SNTG1: variants seen among roughly 807,000 people sequenced by gnomAD.
SNTG1 encodes syntrophin gamma 1.
In SNTG1, 39 loss-of-function variants were observed where a neutral mutation model predicts 74.7. The ratio of observed to expected loss-of-function variants is 0.52; its 90% CI spans 0.40 to 0.68. The LOEUF (loss-of-function observed/expected upper bound fraction) is 0.68. SNTG1 is among the 30% of genes least tolerant of loss of function. SNTG1 has a pLI of 0.00. For missense variants in SNTG1, 685 were observed against 609.5 expected (o/e 1.12, Z -1.30); for synonymous variants, 254 against 217.1 (o/e 1.17, Z -1.49).
At chr8:50,160,795 G>T (rs1160482527) in intron 1 of SNTG1, among the ~76,000 whole-genome samples, 1 of 152,164 alleles carries the variant, frequency 6.6e-6, no homozygotes, top group Admixed American at 6.5e-5. Flanking sequence ...CAGAAGCACG[G>T]AATAGCTGTA....
At chr8:50,785,557 A>G (rs2095672273) in intron 18 of SNTG1, among the ~76,000 whole-genome samples, 2 of 152,050 alleles carry the variant, frequency 1.3e-5, no homozygotes. Context: ...AAAAGCCCCA[A>G]ATCAAGAGGT....
chr8:50,201,175 A>G (rs769404853), intron 2 of SNTG1, among the ~76,000 whole-genome samples: 1 of 152,220 alleles, frequency 6.6e-6, no homozygotes, highest in Non-Finnish European at 1.5e-5. Context: ...CCATGTGCCC[A>G]GGATCAGACA....
intron 9 of SNTG1, among the ~76,000 whole-genome samples, chr8:50,529,174 A>G (rs1161667424): frequency 3.9e-5 from 6 of 151,996 alleles, no homozygotes; most frequent in Non-Finnish European, 8.8e-5. Flanking sequence ...ACATATATAC[A>G]TTAAAATGTA....
At chr8:50,304,745 T>C (rs182578067) in intron 2 of SNTG1, among the ~76,000 whole-genome samples, 12 of 152,340 alleles carry the variant, frequency 7.9e-5, no homozygotes, top group African/African-American at 2.4e-4. Flanking sequence ...CTATACTCTG[T>C]CTAATATAGC....
At chr8:50,515,874 G>A (rs563312458) in intron 9 of SNTG1, among the ~76,000 whole-genome samples, 8 of 151,962 alleles carry the variant, frequency 5.3e-5, no homozygotes, top group Admixed American at 2.0e-4. Flanking sequence ...CTGTGGGCAC[G>A]GCTTCAGCAG....
chr8:50,651,548 C>T (rs2095146404), intron 13 of SNTG1, among the ~76,000 whole-genome samples: 1 of 151,792 alleles, frequency 6.6e-6, no homozygotes, highest in Non-Finnish European at 1.5e-5. Flanking sequence ...ACCTCCACCG[C>T]CCAGGTTCAA....
chr8:50,145,770 C>T (rs530282043), intron 1 of SNTG1, among the ~76,000 whole-genome samples: 19 of 151,804 alleles, frequency 1.3e-4, no homozygotes, highest in Non-Finnish European at 2.1e-4. Context: ...TTATGTTCAT[C>T]TATTTTAGAA....
intron 13 of SNTG1, among the ~76,000 whole-genome samples, chr8:50,597,275 A>G (rs892866026): frequency 6.6e-6 from 1 of 150,998 alleles, no homozygotes; most frequent in Non-Finnish European, 1.5e-5. Context: ...TGCAGAGAAT[A>G]TATACATATA....
chr8:50,504,646 C>CAAAAAA (rs1563489252), intron 9 of SNTG1, among the ~76,000 whole-genome samples: 75 of 152,040 alleles, frequency 4.9e-4, no homozygotes, highest in African/African-American at 1.7e-3. Context: ...ACAAAAAAAC[C>CAAAAAA]CCAAAATAGC....
At chr8:50,193,227 A>G (rs181020227) in intron 2 of SNTG1, among the ~76,000 whole-genome samples, 1 of 152,098 alleles carries the variant, frequency 6.6e-6, no homozygotes, top group Admixed American at 6.6e-5. Context: ...TCAATTTGTA[A>G]ATTACTTTTG....
At chr8:49,962,399 T>C (rs2129748840) in intron 1 of SNTG1, among the ~76,000 whole-genome samples, 1 of 151,448 alleles carries the variant, frequency 6.6e-6, no homozygotes, top group Non-Finnish European at 1.5e-5. Flanking sequence ...CACACATACA[T>C]GCAGACACAT....
chr8:49,929,389 G>T (rs1012006345), intron 1 of SNTG1, among the ~76,000 whole-genome samples: 1 of 152,184 alleles, frequency 6.6e-6, no homozygotes, highest in African/African-American at 2.4e-5. Flanking sequence ...AGGCAAGCCC[G>T]CATCTATGTA....
intron 13 of SNTG1, among the ~76,000 whole-genome samples, chr8:50,637,926 T>G (rs981432749): frequency 2.0e-5 from 3 of 152,132 alleles, no homozygotes; most frequent in Admixed American, 2.0e-4. Context: ...AGGTTAAGTT[T>G]TGCAAGAACA....
chr8:50,736,643 G>A (rs541247313), intron 17 of SNTG1, among the ~76,000 whole-genome samples: 26 of 151,848 alleles, frequency 1.7e-4, no homozygotes, highest in Middle Eastern at 3.4e-3. Context: ...GCACCACATC[G>A]CACTTATTCT....
intron 2 of SNTG1, among the ~76,000 whole-genome samples, chr8:50,237,391 C>G (rs2085963137): frequency 1.3e-5 from 2 of 152,118 alleles, no homozygotes; most frequent in South Asian, 4.1e-4. Context: ...CGTGTGTTAA[C>G]TTTCTCTCTT....
At chr8:49,964,138 G>A (rs1810937576) in intron 1 of SNTG1, among the ~76,000 whole-genome samples, 2 of 152,198 alleles carry the variant, frequency 1.3e-5, no homozygotes, top group Admixed American at 6.5e-5. Flanking sequence ...AGATGTTCCT[G>A]TAAAGGTATT....
chr8:50,256,723 A>C (rs1300566656), intron 2 of SNTG1, among the ~76,000 whole-genome samples: 1 of 152,132 alleles, frequency 6.6e-6, no homozygotes, highest in Non-Finnish European at 1.5e-5. Context: ...TTTTTAAGAA[A>C]TCAATGGACA....
rs569142843 is a variant in SNTG1, at chr8:50,312,856, T to C, written c.-27-81356T>C. Among the ~76,000 whole-genome samples the C allele has an allele frequency of 3.9e-3, 592 of 150,168 alleles. 9 individuals are homozygous for C. The highest frequency in any genetic ancestry group is 7.0e-3 in the Non-Finnish European group (476 of 67,982). On this transcript the variant is annotated intron_variant, in intron 2 of 18. Coordinates refer to ENST00000642720, the MANE Select transcript of SNTG1 (RefSeq NM_018967.5). ...ATAAATATAATAAAATATAACTATCTTACCCAAAATTACTAACATCCAGTT... is the reference window on the plus strand; with the variant it reads ...ATAAATATAATAAAATATAACTATCCTACCCAAAATTACTAACATCCAGTT...
At chr8:50,006,558 C>G (rs1288067818) in intron 1 of SNTG1, among the ~76,000 whole-genome samples, 1 of 152,122 alleles carries the variant, frequency 6.6e-6, no homozygotes, top group South Asian at 2.1e-4. Context: ...TAAAAGAGGG[C>G]ATTTACCTTG....
Sources: gnomAD v4.1 joint callset for allele counts (sites outside exome capture counted in the v4.1 genomes callset) on GRCh38, gnomAD v4.1.1 for gene constraint, MANE v1.5 for transcripts, NCBI Gene and HGNC (gene_info 2026-07-23, HGNC 2026-07-21) for gene names.